AMPH: variants seen among roughly 807,000 people sequenced by gnomAD.
AMPH encodes the protein amphiphysin.
A neutral mutation model predicts 99.1 loss-of-function variants in AMPH; 49 were observed. The observed-to-expected ratio is 0.49, with a 90% CI of 0.39 to 0.63. AMPH has a LOEUF of 0.63. Among genes scored for constraint, AMPH ranks in the 20% least tolerant of loss-of-function variants. AMPH has a pLI of 0.00. For synonymous variants in AMPH, 314 were observed against 317.3 expected, an observed-to-expected ratio of 0.99 and a Z score of 0.11; for missense variants, 759 against 863.4, an observed-to-expected ratio of 0.88 and a Z score of 1.52.
In AMPH at chr7:38,463,040, C is replaced by A; in HGVS notation, c.823G>T (p.Ala275Ser). The A allele has an allele frequency of 6.2e-7, 1 of 1,610,964 alleles. No homozygotes were observed. Among genetic ancestry groups the A allele is most frequent in the Non-Finnish European group, 8.5e-7 (1 of 1,178,652 alleles). ...GGTGCTAATGTATGATTTGGACTTGCTGTCGGGCTCGGGAGGGGTGAAGGC... is the reference window on the plus strand; with the variant it reads ...GGTGCTAATGTATGATTTGGACTTGATGTCGGGCTCGGGAGGGGTGAAGGC... The part of the protein sequence containing the change: ...EEPSPLPSPT[A>S]SPNHTLAPAS... Residue 275 changes from alanine (A) to serine (S), a missense_variant, in exon 10 of 21, where the codon GCA (alanine) becomes TCA (serine). Ala to Ser is a moderately conservative substitution (Grantham distance 99, BLOSUM62 1). Transcript: ENST00000356264.
intron 1 of AMPH, among the ~76,000 whole-genome samples, chr7:38,616,252 G>A (rs980608581): frequency 6.6e-6 from 1 of 151,972 alleles, no homozygotes; most frequent in African/African-American, 2.4e-5. Context: ...GATTATGTGT[G>A]AAATATATAA....
chr7:38,431,806 A>G (rs1786040205), intron 13 of AMPH, among the ~76,000 whole-genome samples: 1 of 152,100 alleles, frequency 6.6e-6, no homozygotes, highest in Admixed American at 6.6e-5. Flanking sequence ...TTAAAATGGT[A>G]CCATGTGCCA....
At chr7:38,443,432 G>C (rs918765542) in intron 11 of AMPH, among the ~76,000 whole-genome samples, 2 of 151,808 alleles carry the variant, frequency 1.3e-5, no homozygotes, top group African/African-American at 4.8e-5. Context: ...CCATGAACAG[G>C]AATGTAAAAA....
intron 1 of AMPH, among the ~76,000 whole-genome samples, chr7:38,563,618 T>C (rs1022799101): frequency 6.6e-6 from 1 of 152,226 alleles, no homozygotes; most frequent in Non-Finnish European, 1.5e-5. Flanking sequence ...GATTTACATA[T>C]GATCCATGAC....
At position 38,597,562 on chromosome 7, in the gene AMPH, C is replaced by T. The variant is rs564108391; in HGVS notation, c.69+33721G>A. 1.1e-4 allele frequency among the ~76,000 whole-genome samples: 16 copies of T among 152,214 alleles called. No homozygotes were observed. In the South Asian group the frequency reaches 2.9e-3, roughly 28 times the overall value. On this transcript the variant is annotated intron_variant, in intron 1 of 20. Coordinates refer to ENST00000356264, the MANE Select transcript of AMPH (RefSeq NM_001635.4). ...AGAATTAAATACTGTATACATTCCC[C>T]ATGCTGAGGTGAATTATCTTTTTAT... is the stretch of plus-strand genomic sequence containing the variant.
chr7:38,590,314 G>C (rs906598129), intron 1 of AMPH, among the ~76,000 whole-genome samples: 1 of 152,136 alleles, frequency 6.6e-6, no homozygotes, highest in Non-Finnish European at 1.5e-5. Context: ...CGGATGCCTC[G>C]CTGGATCAGG....
intron 8 of AMPH, 21 bp from the exon 9 acceptor site, chr7:38,465,570 T>C: frequency 6.4e-7 from 1 of 1,561,148 alleles, no homozygotes; most frequent in Non-Finnish European, 8.7e-7. Context: ...AGAGGCCACT[T>C]GTCTATTAGT....
At chr7:38,547,827 A>G (rs1316258452) in intron 1 of AMPH, among the ~76,000 whole-genome samples, 2 of 152,184 alleles carry the variant, frequency 1.3e-5, no homozygotes, top group Non-Finnish European at 2.9e-5. Flanking sequence ...AGAGACAAAC[A>G]GTTGCATTCT....
intron 1 of AMPH, among the ~76,000 whole-genome samples, chr7:38,630,759 C>T (rs1794424896): frequency 6.6e-6 from 1 of 152,202 alleles, no homozygotes; most frequent in African/African-American, 2.4e-5. Flanking sequence ...TTTTTGGTGG[C>T]TTCTCTGTTA....
At chr7:38,544,457 G>T (rs1790922154) in intron 1 of AMPH, among the ~76,000 whole-genome samples, 1 of 152,116 alleles carries the variant, frequency 6.6e-6, no homozygotes, top group African/African-American at 2.4e-5. Flanking sequence ...TCTATATCTG[G>T]GGTCCATGAA....
At chr7:38,498,425 C>G (rs1024986879) in intron 3 of AMPH, among the ~76,000 whole-genome samples, 1 of 152,186 alleles carries the variant, frequency 6.6e-6, no homozygotes, top group African/African-American at 2.4e-5. Flanking sequence ...AATTAATCAG[C>G]CTTTGTTAAA....
chr7:38,415,276 A>C (rs977268871), intron 17 of AMPH, among the ~76,000 whole-genome samples: 4 of 152,236 alleles, frequency 2.6e-5, no homozygotes, highest in African/African-American at 9.6e-5. Flanking sequence ...AAAAAACCAG[A>C]ACAATCACAA....
intron 1 of AMPH, among the ~76,000 whole-genome samples, chr7:38,608,456 TG>T (rs1793511337): frequency 6.6e-6 from 1 of 152,162 alleles, no homozygotes; most frequent in Non-Finnish European, 1.5e-5. Context: ...CTTTTTTCAC[TG>T]GGGAGCTCCC....
chr7:38,569,480 C>T, intron 1 of AMPH, among the ~76,000 whole-genome samples: 1 of 151,450 alleles, frequency 6.6e-6, no homozygotes, highest in Non-Finnish European at 1.5e-5. Flanking sequence ...AAAACAGAAC[C>T]ACCTGATAGA....
chr7:38,521,437 C>T (rs1789956928), intron 2 of AMPH, among the ~76,000 whole-genome samples: 1 of 152,206 alleles, frequency 6.6e-6, no homozygotes, highest in South Asian at 2.1e-4. Context: ...AGGAGAATCG[C>T]TTGAACCCGG....
At chr7:38,621,871 A>G (rs1489101928) in intron 1 of AMPH, among the ~76,000 whole-genome samples, 1 of 152,208 alleles carries the variant, frequency 6.6e-6, no homozygotes, top group Non-Finnish European at 1.5e-5. Flanking sequence ...GATTTGGTCA[A>G]TTTGTGTTCA....
intron 14 of AMPH, chr7:38,428,769 A>G: frequency 2.2e-6 from 1 of 457,622 alleles, no homozygotes; most frequent in Non-Finnish European, 4.4e-6. Flanking sequence ...TCCATCATGT[A>G]GACCTTGGTC....
intron 2 of AMPH, among the ~76,000 whole-genome samples, chr7:38,530,686 A>T (rs908882402): frequency 6.6e-6 from 1 of 152,198 alleles, no homozygotes; most frequent in East Asian, 1.9e-4. Context: ...GAAACCAAGG[A>T]CCTTCTTTCC....
intron 11 of AMPH, among the ~76,000 whole-genome samples, chr7:38,456,020 T>C (rs898692006): frequency 6.6e-5 from 10 of 152,092 alleles, no homozygotes; most frequent in African/African-American, 2.4e-4. Flanking sequence ...CTACACCACC[T>C]TAGAGGGGCC....
Sources: allele counts gnomAD v4.1 joint callset (sites outside exome capture counted in the v4.1 genomes callset), GRCh38; gene constraint gnomAD v4.1.1; transcripts MANE v1.5; gene names NCBI Gene and HGNC (gene_info 2026-07-23, HGNC 2026-07-21).